The following TMEM161B variants were observed in gnomAD, a reference collection of about 807,000 sequenced individuals.
TMEM161B encodes transmembrane protein 161B.
In TMEM161B, 34 loss-of-function variants were observed where a neutral mutation model predicts 61.8. The observed-to-expected ratio is 0.55, with a 90% CI of 0.42 to 0.73. The LOEUF is 0.73. TMEM161B is among the 30% of genes least tolerant of loss of function. The pLI, the probability that TMEM161B is intolerant of heterozygous loss-of-function variation, is 0.00. For synonymous variants in TMEM161B, 167 were observed against 192.8 expected, an observed-to-expected ratio of 0.87 and a Z score of 1.11; for missense variants, 456 against 558.5, an observed-to-expected ratio of 0.82 and a Z score of 1.85.
chr5:88,264,366 T>C (rs968416645), intron 1 of TMEM161B, among the ~76,000 whole-genome samples: 4 of 152,008 alleles, frequency 2.6e-5, no homozygotes, highest in African/African-American at 9.7e-5. Context: ...GAAATACAAA[T>C]CAAAACCACA....
At chr5:88,206,850 A>T (rs900589465) in intron 6 of TMEM161B, among the ~76,000 whole-genome samples, 179 bp downstream of exon 6, 2 of 152,116 alleles carry the variant, frequency 1.3e-5, no homozygotes, top group Admixed American at 6.5e-5. Flanking sequence ...AAACTTAGCT[A>T]AAACAAAAGC....
chr5:88,242,493 A>T (rs967315315), intron 1 of TMEM161B, among the ~76,000 whole-genome samples: 2 of 151,922 alleles, frequency 1.3e-5, no homozygotes, highest in East Asian at 3.9e-4. Context: ...ATGTTAAAAA[A>T]TTTAAGAAGA....
At chr5:88,262,982 T>TA (rs995397558) in intron 1 of TMEM161B, among the ~76,000 whole-genome samples, 4 of 152,152 alleles carry the variant, frequency 2.6e-5, no homozygotes, top group Non-Finnish European at 5.9e-5. Context: ...TTACTATCTT[T>TA]AAAAAAACAC....
At chr5:88,254,083 G>A (rs1457356828) in intron 1 of TMEM161B, among the ~76,000 whole-genome samples, 1 of 152,028 alleles carries the variant, frequency 6.6e-6, no homozygotes, top group East Asian at 1.9e-4. Flanking sequence ...GTGCTGAAGA[G>A]TTAAATGTGG....
chr5:88,216,204 C>T (rs1747795531), intron 5 of TMEM161B, among the ~76,000 whole-genome samples: 1 of 152,098 alleles, frequency 6.6e-6, no homozygotes. Context: ...TAGGACTGTG[C>T]AACTGCACAA....
intron 9 of TMEM161B, chr5:88,202,176 A>T: frequency 2.2e-6 from 1 of 452,460 alleles, no homozygotes; most frequent in Non-Finnish European, 4.4e-6. Flanking sequence ...TCAAATGAAG[A>T]TTTTAGTGAG....
At chr5:88,201,011 A>G (rs13359530) in intron 9 of TMEM161B, 7 of 151,964 alleles carry the variant, frequency 4.6e-5, no homozygotes, top group African/African-American at 1.7e-4. Flanking sequence ...TTTGATGGGC[A>G]GCCATTTTTT....
In TMEM161B at chr5:88,205,675, T is replaced by C. The variant is rs565298782; in HGVS notation, c.800+139A>G. The C allele has an allele frequency of 4.2e-6, 4 of 941,674 alleles. No homozygotes were observed. The South Asian group carries it at 6.0e-5, about 14-fold the overall frequency. The allele number at this position is 941,674 out of a possible 1,614,324, so 58.3% of individuals were successfully genotyped here. A position where few individuals can be genotyped will look rare whatever the true frequency, so the allele number is the denominator to read the frequency against. Reference sequence around the variant, plus strand: ...GCAAATAAAAGAAACTTGCTTATAGTTGAAAGAGGAAGTAGTGTGACATCA... The same window carrying C: ...GCAAATAAAAGAAACTTGCTTATAGCTGAAAGAGGAAGTAGTGTGACATCA... On this transcript the variant is annotated intron_variant, in intron 8 of 11. Coordinates refer to ENST00000296595, the MANE Select transcript of TMEM161B (RefSeq NM_153354.5).
chr5:88,189,298 G>A (rs756531739), downstream of TMEM161B, among the ~76,000 whole-genome samples: 5 of 152,064 alleles, frequency 3.3e-5, no homozygotes, highest in Non-Finnish European at 7.3e-5. Flanking sequence ...AAAAAAATGA[G>A]TTCCACAGTG....
At chr5:88,203,473 G>T (rs1744797693) in intron 8 of TMEM161B, among the ~76,000 whole-genome samples, 1 of 151,696 alleles carries the variant, frequency 6.6e-6, no homozygotes, top group Admixed American at 6.6e-5. Flanking sequence ...GAATCTAATG[G>T]ATTTTCAGTA....
intron 1 of TMEM161B, among the ~76,000 whole-genome samples, chr5:88,248,398 A>G (rs1753897412): frequency 6.6e-6 from 1 of 152,104 alleles, no homozygotes; most frequent in African/African-American, 2.4e-5. Flanking sequence ...CTAAAAGTAT[A>G]TCGCCTACCT....
chr5:88,211,731 A>T (rs1048958416), intron 5 of TMEM161B, among the ~76,000 whole-genome samples: 1 of 150,440 alleles, frequency 6.6e-6, no homozygotes, highest in Non-Finnish European at 1.5e-5. Context: ...AGATCGCACC[A>T]CTGCATGCCA....
chr5:88,204,799 T>C (rs184716820), intron 8 of TMEM161B, among the ~76,000 whole-genome samples: 3 of 148,938 alleles, frequency 2.0e-5, no homozygotes, highest in African/African-American at 5.0e-5. Context: ...TGGGAGGCGA[T>C]AGTAAGTAAA....
intron 5 of TMEM161B, 118 bp downstream of exon 5, chr5:88,220,445 A>G (rs1038869580): frequency 2.3e-6 from 2 of 867,346 alleles, no homozygotes; most frequent in Non-Finnish European, 1.6e-6. Flanking sequence ...CAATTACATA[A>G]AAAAGATTTC....
intron 5 of TMEM161B, among the ~76,000 whole-genome samples, chr5:88,216,223 G>A (rs1236432121): frequency 1.3e-5 from 2 of 152,166 alleles, no homozygotes; most frequent in African/African-American, 4.8e-5. Context: ...AACAACTTGG[G>A]TGACAGAGTG....
intron 8 of TMEM161B, among the ~76,000 whole-genome samples, chr5:88,203,539 T>A (rs1744807449): frequency 6.6e-6 from 1 of 151,762 alleles, no homozygotes; most frequent in African/African-American, 2.4e-5. Context: ...CTCCTCATTA[T>A]CTACAAGTAA....
chr5:88,218,505 T>C (rs562628296), intron 5 of TMEM161B, among the ~76,000 whole-genome samples: 1 of 152,084 alleles, frequency 6.6e-6, no homozygotes, highest in African/African-American at 2.4e-5. Context: ...AAAAATCAGA[T>C]GGCTGGGCGC....
At chr5:88,254,470 T>C (rs1754721114) in intron 1 of TMEM161B, among the ~76,000 whole-genome samples, 1 of 152,134 alleles carries the variant, frequency 6.6e-6, no homozygotes, top group Non-Finnish European at 1.5e-5. Context: ...AAGAGGAACA[T>C]AGAATTGATT....
At chr5:88,211,870 G>T (rs1746868554) in intron 5 of TMEM161B, among the ~76,000 whole-genome samples, 1 of 151,800 alleles carries the variant, frequency 6.6e-6, no homozygotes, top group East Asian at 1.9e-4. Flanking sequence ...GAAAATGGGA[G>T]TGGAGGGACG....
Sources: gnomAD v4.1 joint callset for allele counts (sites outside exome capture counted in the v4.1 genomes callset) on GRCh38, gnomAD v4.1.1 for gene constraint, MANE v1.5 for transcripts, NCBI Gene and HGNC (gene_info 2026-07-23, HGNC 2026-07-21) for gene names.